PI4KA: variants seen among roughly 807,000 people sequenced by gnomAD.
The protein encoded by PI4KA is phosphatidylinositol 4-kinase alpha.
Under a neutral mutation model 271.4 loss-of-function variants are expected in PI4KA, and 122 were observed. The ratio of observed to expected loss-of-function variants is 0.45; its 90% confidence interval spans 0.39 to 0.52. PI4KA has a LOEUF of 0.52. Ranked by LOEUF, PI4KA falls within the 20% of genes least tolerant of loss-of-function variation. The probability of loss-of-function intolerance (pLI) is 0.00; values close to 1 mark genes in which losing one functional copy is unlikely to be tolerated. For missense variants in PI4KA, 1,969 were observed against 2,769.1 expected (o/e 0.71, Z 6.48); for synonymous variants, 1,041 against 1,078.8 (o/e 0.96, Z 0.69).
At chr22:20,726,380 CCT>C (rs1927349303) in intron 42 of PI4KA, 106 bp downstream of exon 42, 6 of 952,902 alleles carry the variant, frequency 6.3e-6, no homozygotes, top group Middle Eastern at 2.5e-4. Flanking sequence ...CAGCCCTGCC[CCT>C]GAGGAGGCTC....
In PI4KA at chr22:20,779,529, G is replaced by A. The variant is rs139053306; in HGVS notation, c.2328+13664C>T. The A allele has an allele frequency of 3.7e-6, 6 of 1,613,866 alleles. No homozygotes were observed. In the African/African-American group the frequency reaches 5.3e-5, roughly 14 times the overall value. On this transcript the variant is annotated intron_variant, in intron 19 of 54. Transcript: ENST00000255882. ...CGTCACCAACGACTGGATTCCAGAGGGGGAGGAGGACGACGACTATCTGGA... is the reference window on the plus strand; with the variant it reads ...CGTCACCAACGACTGGATTCCAGAGAGGGAGGAGGACGACGACTATCTGGA...
chr22:20,747,500 C>T (rs925446949), intron 29 of PI4KA, 83 bp downstream of exon 29: 24 of 1,469,842 alleles, frequency 1.6e-5, no homozygotes, highest in South Asian at 2.5e-5. Context: ...TCATGAAAAG[C>T]GACAGCCGAG....
chr22:20,776,095 G>C (rs1227074204), intron 19 of PI4KA, among the ~76,000 whole-genome samples: 3 of 152,116 alleles, frequency 2.0e-5, no homozygotes, highest in Admixed American at 2.0e-4. Flanking sequence ...GCCAAGGCAG[G>C]AGAATTGCCT....
rs1039018856 is a variant in PI4KA at position 20,725,111 on chromosome 22, G to A, written c.4995+1377C>T. On this transcript the variant is annotated intron_variant, in intron 42 of 54. Transcript: ENST00000255882. ...TCTACAGACTCCAAGGCTAGCCCCT[G>A]GGACACCCAGCCATGTAACTCAGCC... Among the ~76,000 whole-genome samples the A allele has an allele frequency of 2.0e-5, 3 of 152,310 alleles. No individual in the cohort carries two copies. In the East Asian group the frequency reaches 5.8e-4, roughly 29 times the overall value.
chr22:20,755,259 G>A (rs764181588), intron 23 of PI4KA, among the ~76,000 whole-genome samples: 1 of 152,130 alleles, frequency 6.6e-6, no homozygotes, highest in Non-Finnish European at 1.5e-5. Flanking sequence ...TGGCCACTCG[G>A]AGCTCTTTCA....
At chr22:20,815,995 A>G (rs1292454877) in intron 7 of PI4KA, among the ~76,000 whole-genome samples, 4 of 151,770 alleles carry the variant, frequency 2.6e-5, no homozygotes, top group Admixed American at 2.6e-4. Context: ...GCTGCAGTGC[A>G]GTGTCACGAT....
At chr22:20,744,525 C>T in intron 30 of PI4KA, 103 bp downstream of exon 30, 1 of 740,948 alleles carries the variant, frequency 1.3e-6, no homozygotes, top group South Asian at 1.6e-5. Context: ...GTTAATTCCA[C>T]ATCACCGGGA....
At chr22:20,797,939 G>A (rs1012450183) in intron 17 of PI4KA, among the ~76,000 whole-genome samples, 6 of 152,044 alleles carry the variant, frequency 3.9e-5, no homozygotes, top group Non-Finnish European at 7.4e-5. Flanking sequence ...TTCCAAACAC[G>A]GATGAACATG....
intron 30 of PI4KA, 83 bp downstream of exon 30, chr22:20,744,545 C>T (rs1929842091): frequency 1.1e-6 from 1 of 932,762 alleles, no homozygotes; most frequent in African/African-American, 1.6e-5. Flanking sequence ...ACGCTTTGTT[C>T]ATTTTCCACT....
intron 19 of PI4KA, among the ~76,000 whole-genome samples, chr22:20,780,957 A>G (rs894352405): frequency 6.6e-6 from 1 of 152,106 alleles, no homozygotes; most frequent in Non-Finnish European, 1.5e-5. Flanking sequence ...TTTCCCAATT[A>G]TCAATAAGCA....
chr22:20,855,662 C>G (rs571155664), intron 1 of PI4KA, among the ~76,000 whole-genome samples: 1 of 152,340 alleles, frequency 6.6e-6, no homozygotes, highest in South Asian at 2.1e-4. Flanking sequence ...ATCAAGCTTG[C>G]TCCTTGCTAC....
intron 19 of PI4KA, among the ~76,000 whole-genome samples, chr22:20,784,778 TATTGAG>T (rs1385984311): frequency 6.6e-6 from 1 of 152,202 alleles, no homozygotes; most frequent in Non-Finnish European, 1.5e-5. Context: ...GTTAAGTACT[TATTGAG>T]ATTATTATTG....
rs2147604928 is a variant in PI4KA, at chr22:20,802,096, T to C, written c.1601A>G (p.Asn534Ser). Residue 534 changes from asparagine (N) to serine (S), a missense_variant, in exon 14 of 55, where the codon AAT becomes AGT. Transcript: ENST00000255882. Reference sequence around the variant, plus strand: ...ATTGGTCACACTGATTTTTATATCATTGCCAGCAACTGAAAGTAAAAAATT... The same window carrying C: ...ATTGGTCACACTGATTTTTATATCACTGCCAGCAACTGAAAGTAAAAAATT... ...YHSQYHTVAG[N>S]DIKISVTNEH... 2.5e-6 allele frequency: 4 copies of C among 1,613,942 alleles called. No homozygotes were observed. Among genetic ancestry groups the C allele is most frequent in the East Asian group, 2.2e-5 (1 of 44,866 alleles).
At chr22:20,712,829 G>A (rs766999450) in intron 48 of PI4KA, 32 bp from the exon 49 acceptor site, 120 of 1,550,544 alleles carry the variant, frequency 7.7e-5, no homozygotes, top group Non-Finnish European at 1.0e-4. Context: ...GATGCGGTCA[G>A]TTGGCGTCCT....
intron 19 of PI4KA, chr22:20,779,901 A>T: frequency 6.2e-7 from 1 of 1,614,238 alleles, no homozygotes; most frequent in Non-Finnish European, 8.5e-7. Flanking sequence ...TGAAATCACG[A>T]CCATTCATAA....
chr22:20,789,696 T>G (rs1048896293), intron 19 of PI4KA, among the ~76,000 whole-genome samples: 1 of 152,200 alleles, frequency 6.6e-6, no homozygotes, highest in Non-Finnish European at 1.5e-5. Flanking sequence ...TTATTCTCAA[T>G]CTAAGAGAGT....
chr22:20,802,193 TG>T, intron 13 of PI4KA, 88 bp from the exon 14 acceptor site: 3 of 1,212,222 alleles, frequency 2.5e-6, no homozygotes, highest in Admixed American at 4.2e-5. Flanking sequence ...GATAATATGC[TG>T]ATCATTTATA....
At chr22:20,743,752 G>A (rs916011901) in intron 30 of PI4KA, among the ~76,000 whole-genome samples, 49 of 152,144 alleles carry the variant, frequency 3.2e-4, no homozygotes, top group African/African-American at 1.1e-3. Flanking sequence ...TCACCAGGGA[G>A]CTTAGAAATG....
intron 1 of PI4KA, among the ~76,000 whole-genome samples, chr22:20,858,173 A>T (rs189570829): frequency 6.6e-6 from 1 of 152,334 alleles, no homozygotes; most frequent in East Asian, 1.9e-4. Context: ...CGGAATAAAA[A>T]GCAGGTGAAA....
Sources: gnomAD v4.1 joint callset for allele counts (sites outside exome capture counted in the v4.1 genomes callset) on GRCh38, gnomAD v4.1.1 for gene constraint, MANE v1.5 for transcripts, NCBI Gene and HGNC (gene_info 2026-07-23, HGNC 2026-07-21) for gene names.